The following ITSN2 variants were observed in gnomAD, a reference collection of about 807,000 sequenced individuals.
ITSN2 encodes intersectin-2.
In ITSN2, 156 loss-of-function variants were observed where a neutral mutation model predicts 243.7. That is an observed-to-expected ratio of 0.64 (90% CI 0.56 to 0.73). The LOEUF (loss-of-function observed/expected upper bound fraction) is 0.73. Ranked by LOEUF, ITSN2 falls within the 30% of genes least tolerant of loss-of-function variation. ITSN2 has a pLI of 0.00. For synonymous variants in ITSN2, 703 were observed against 699.9 expected (o/e 1.00, Z -0.07); for missense variants, 1,801 against 1,996.1 (o/e 0.90, Z 1.86).
intron 17 of ITSN2, among the ~76,000 whole-genome samples, chr2:24,278,645 C>CTTTTTTT (rs908928502): frequency 1.1e-4 from 11 of 103,006 alleles, no homozygotes; most frequent in East Asian, 2.9e-4. Flanking sequence ...TGTTCTCAAT[C>CTTTTTTT]TTTTTTTTTT....
intron 15 of ITSN2, among the ~76,000 whole-genome samples, chr2:24,290,376 T>C (rs1419020423): frequency 1.3e-5 from 2 of 152,196 alleles, no homozygotes; most frequent in African/African-American, 2.4e-5. Context: ...TTTGCCGTAT[T>C]TTTCTATTGG....
intron 20 of ITSN2, among the ~76,000 whole-genome samples, chr2:24,270,281 T>C (rs1321635593): frequency 6.6e-6 from 1 of 152,214 alleles, no homozygotes; most frequent in African/African-American, 2.4e-5. Flanking sequence ...GATAACACAA[T>C]AAAGACTTTC....
Position 24,308,629 on chromosome 2 carries a change from C to A in ITSN2, c.781G>T (p.Gly261Ter). Reference protein sequence around the residue: ...KFNTLDKSMSGYLSGFQARNA... With the variant: ...KFNTLDKSMS ...GTATGCTGCTTACCTGAGAGATATC[C>A]ACTCATACTTTTGTCAAGAGTATTA... Residue 261 changes from glycine to a stop codon, truncating the protein, a stop_gained, in exon 8 of 40, where the codon GGA (glycine) becomes TGA (stop). Transcript: ENST00000355123. LOFTEE classifies it high-confidence loss of function. 2 of 1,505,722 alleles carry A rather than the reference C, an allele frequency of 1.3e-6. No individual in the cohort carries two copies. The highest frequency in any genetic ancestry group is 1.8e-6 in the Non-Finnish European group (2 of 1,122,802). The allele number at this position is 1,505,722 out of a possible 1,614,324, so 93.3% of individuals were successfully genotyped here.
intron 29 of ITSN2, among the ~76,000 whole-genome samples, chr2:24,228,986 AC>A (rs1389658291): frequency 6.6e-6 from 1 of 152,116 alleles, no homozygotes; most frequent in Admixed American, 6.6e-5. Context: ...GGCTTTAAGG[AC>A]CCGTATGAGA....
chr2:24,231,314 C>T (rs1443319905), intron 29 of ITSN2, among the ~76,000 whole-genome samples: 1 of 152,194 alleles, frequency 6.6e-6, no homozygotes, highest in African/African-American at 2.4e-5. Flanking sequence ...CAGTGTCTGA[C>T]ACACAGGAGG....
At chr2:24,288,655 C>T (rs766441718) in intron 15 of ITSN2, among the ~76,000 whole-genome samples, 15 of 152,160 alleles carry the variant, frequency 9.9e-5, no homozygotes, top group Non-Finnish European at 2.1e-4. Flanking sequence ...ACCTCACATA[C>T]TTACCATTTT....
chr2:24,262,127 T>A (rs568297901), intron 20 of ITSN2, among the ~76,000 whole-genome samples: 3 of 152,324 alleles, frequency 2.0e-5, no homozygotes, highest in African/African-American at 7.2e-5. Context: ...TTTTCTTGAA[T>A]TTTTTCAATT....
Position 24,217,987 on chromosome 2 carries a change from T to C in ITSN2, c.3726A>G (p.Ser1242=). The stretch of plus-strand genomic sequence containing the variant: ...CCATCTCCCCTTCAGTGAGAAAGCC[T>C]GACTCTGCCATGCGTTTCTGAAAAA... ...VEVFQKRMAE[S]GFLTEGEMAL... The change falls in exon 31 of 40, where the codon TCA becomes TCG. Residue 1242 remains serine (S), a synonymous_variant. Transcript: ENST00000355123. 1 of 1,613,978 alleles carries C rather than the reference T, an allele frequency of 6.2e-7. No homozygotes were observed. Among genetic ancestry groups the C allele is most frequent in the Non-Finnish European group, 8.5e-7 (1 of 1,179,864 alleles).
At chr2:24,319,100 A>C (rs1290672161) in intron 2 of ITSN2, among the ~76,000 whole-genome samples, 1 of 152,212 alleles carries the variant, frequency 6.6e-6, no homozygotes, top group Admixed American at 6.5e-5. Context: ...ATTGTCTTCC[A>C]TGAAACTGGT....
chr2:24,217,657 A>G (rs1367855624), intron 31 of ITSN2, among the ~76,000 whole-genome samples: 1 of 152,192 alleles, frequency 6.6e-6, no homozygotes, highest in Non-Finnish European at 1.5e-5. Flanking sequence ...GGAATCATAG[A>G]TTGATATGTT....
intron 2 of ITSN2, chr2:24,326,559 A>G (rs1558633370): frequency 6.0e-6 from 1 of 167,748 alleles, no homozygotes; most frequent in Non-Finnish European, 1.5e-5. Context: ...TTAAACTTAC[A>G]TGTATCACTC....
intron 23 of ITSN2, among the ~76,000 whole-genome samples, chr2:24,257,341 C>T (rs1160274660): frequency 1.3e-5 from 2 of 151,946 alleles, no homozygotes; most frequent in Non-Finnish European, 1.5e-5. Context: ...AGCAACAGAT[C>T]TATAATTTTG....
intron 20 of ITSN2, among the ~76,000 whole-genome samples, chr2:24,262,671 C>A (rs1472888410): frequency 6.6e-6 from 1 of 152,140 alleles, no homozygotes; most frequent in Non-Finnish European, 1.5e-5. Context: ...TTTGATCAGT[C>A]CTCTGTGCAA....
intron 29 of ITSN2, among the ~76,000 whole-genome samples, chr2:24,224,508 A>G (rs1304163538): frequency 6.6e-6 from 1 of 152,278 alleles, no homozygotes; most frequent in African/African-American, 2.4e-5. Flanking sequence ...AATAATAGCA[A>G]GAACCTCAGA....
intron 8 of ITSN2, among the ~76,000 whole-genome samples, chr2:24,305,815 C>T (rs1190512999): frequency 6.6e-6 from 1 of 152,094 alleles, no homozygotes; most frequent in Non-Finnish European, 1.5e-5. Flanking sequence ...TAATACACAA[C>T]CTTCGTACAA....
intron 32 of ITSN2, among the ~76,000 whole-genome samples, chr2:24,213,243 C>T (rs10195436): frequency 0.64 from 96,858 of 151,900 alleles, 31,328 homozygotes; most frequent in East Asian, 0.76. Flanking sequence ...CCTCCCTGGC[C>T]ACCTTTAGCA....
In ITSN2 at chr2:24,297,038, G is replaced by T. The variant is rs550126227; in HGVS notation, c.1495-1234C>A. On this transcript the variant is annotated intron_variant, in intron 13 of 39. Coordinates refer to ENST00000355123, the MANE Select transcript of ITSN2 (RefSeq NM_006277.3). ...TCTTCCCATTATATATAGTCAAGAT[G>T]ATATATATATATAAAAATAGTGCAA... Among the ~76,000 whole-genome samples, 35 of 151,604 alleles carry T rather than the reference G, an allele frequency of 2.3e-4. No individual in the cohort carries two copies. The South Asian group carries it at 5.8e-3, about 25-fold the overall frequency.
intron 34 of ITSN2, 127 bp downstream of exon 34, chr2:24,210,653 C>T: frequency 1.6e-6 from 1 of 641,090 alleles, no homozygotes; most frequent in Non-Finnish European, 2.5e-6. Flanking sequence ...AATGCCTTTG[C>T]AGGGGCAGGG....
chr2:24,306,686 T>C (rs1682583647), intron 8 of ITSN2, among the ~76,000 whole-genome samples: 1 of 152,232 alleles, frequency 6.6e-6, no homozygotes, highest in Admixed American at 6.5e-5. Flanking sequence ...CTTCTTTTTA[T>C]TAGAGAGATG....
Sources: gnomAD v4.1 joint callset for allele counts (sites outside exome capture counted in the v4.1 genomes callset) on GRCh38, gnomAD v4.1.1 for gene constraint, MANE v1.5 for transcripts, NCBI Gene and HGNC (gene_info 2026-07-23, HGNC 2026-07-21) for gene names.